SCD: variants seen among roughly 807,000 people sequenced by gnomAD.
SCD encodes stearoyl-CoA desaturase, also known as acyl-CoA desaturase.
In SCD, 4 loss-of-function variants were observed where a neutral mutation model predicts 35.7. The ratio of observed to expected loss-of-function variants is 0.11; its 90% CI spans 0.06 to 0.26. The LOEUF is 0.26. SCD is among the 10% of genes least tolerant of loss of function. The probability of loss-of-function intolerance (pLI) is 1.00; values close to 1 mark genes in which losing one functional copy is unlikely to be tolerated. For missense variants in SCD, 282 were observed against 460.7 expected (o/e 0.61, Z 3.55); for synonymous variants, 150 against 170.2 (o/e 0.88, Z 0.92).
chr10:100,360,643 A>T (rs1286133108), intron 5 of SCD, 91 bp from the exon 6 acceptor site: 6 of 1,046,848 alleles, frequency 5.7e-6, no homozygotes, highest in African/African-American at 1.6e-5. Flanking sequence ...AGTTTCTCCC[A>T]GGTGTGAGGT....
chr10:100,347,334 C>T lies in SCD; in HGVS notation c.-171C>T, dbSNP rs1589696768. ...TTGCCAGCTCTAGCCTTTAAATTCC[C>T]GGCTCGGGGACCTCCACGCACCGCG... On this transcript the variant is annotated 5_prime_UTR_variant, in exon 1 of 6. Coordinates refer to ENST00000370355, the MANE Select transcript of SCD (RefSeq NM_005063.5). 4.1e-6 allele frequency: 3 copies of T among 728,886 alleles called. No homozygotes were observed. The highest frequency in any genetic ancestry group is 3.1e-5 in the South Asian group (2 of 64,168). 45.2% of individuals were successfully genotyped at this position (728,886 alleles called of 1,614,324 possible).
At position 100,360,780 on chromosome 10, in the gene SCD, T is replaced by G. The variant is rs200235051; in HGVS notation, c.927T>G (p.Ser309=). The G allele has an allele frequency of 1.9e-6, 3 of 1,613,878 alleles. No individual in the cohort carries two copies. The highest frequency in any genetic ancestry group is 3.3e-4 in the Middle Eastern group (2 of 6,078). ...NYHHSFPYDY[S]ASEYRWHINF... ...ACCACTCCTTTCCCTATGACTACTC[T>G]GCCAGTGAGTACCGCTGGCACATCA... is the stretch of plus-strand genomic sequence containing the variant. Residue 309 remains serine, a synonymous_variant, in exon 6 of 6, where the codon TCT becomes TCG. Transcript: ENST00000370355.
chr10:100,350,651 G>A (rs1367234058), intron 2 of SCD, among the ~76,000 whole-genome samples: 1 of 152,202 alleles, frequency 6.6e-6, no homozygotes, highest in Non-Finnish European at 1.5e-5. Context: ...GCACCAGAGT[G>A]CCTGAGTTCT....
In SCD at chr10:100,347,330, T is replaced by G; in HGVS notation, c.-175T>G. 1 of 719,730 alleles carries G rather than the reference T, an allele frequency of 1.4e-6. No homozygotes were observed. The allele number at this position is 719,730 out of a possible 1,614,324, so 44.6% of individuals were successfully genotyped here. Reference sequence around the variant, plus strand: ...CCCGTTGCCAGCTCTAGCCTTTAAATTCCCGGCTCGGGGACCTCCACGCAC... The same window carrying G: ...CCCGTTGCCAGCTCTAGCCTTTAAAGTCCCGGCTCGGGGACCTCCACGCAC... On this transcript the variant is annotated 5_prime_UTR_variant, in exon 1 of 6. Transcript: ENST00000370355.
chr10:100,359,836 T>C (rs1429689639), intron 5 of SCD, among the ~76,000 whole-genome samples: 1 of 152,230 alleles, frequency 6.6e-6, no homozygotes, highest in Non-Finnish European at 1.5e-5. Flanking sequence ...CTGCCAAGCG[T>C]TGGCAAACTC....
intron 4 of SCD, among the ~76,000 whole-genome samples, 163 bp downstream of exon 4, chr10:100,354,795 C>T (rs373666776): frequency 7.9e-5 from 12 of 152,178 alleles, no homozygotes; most frequent in South Asian, 2.1e-4. Context: ...CCCACGGGCC[C>T]GTAGCCATAG....
At chr10:100,357,755 A>G (rs1403257442) in intron 5 of SCD, among the ~76,000 whole-genome samples, 1 of 151,872 alleles carries the variant, frequency 6.6e-6, no homozygotes, top group African/African-American at 2.4e-5. Context: ...TCAGCCTCCC[A>G]AAGTATCTAC....
In SCD at chr10:100,363,205, A is replaced by G. The variant is rs1235460266; in HGVS notation, c.*2272A>G. 6.6e-6 allele frequency: 1 copy of G among 152,290 alleles called. No individual in the cohort carries two copies. The highest frequency in any genetic ancestry group is 1.5e-5 in the Non-Finnish European group (1 of 68,084). The allele number at this position is 152,290 out of a possible 1,614,324, so 9.4% of individuals were successfully genotyped here. Reference sequence around the variant, plus strand: ...CATTCCCTACAGCCTAGGGCAGACAATAGTATAGAAGTCTGGAAAAAAACA... The same window carrying G: ...CATTCCCTACAGCCTAGGGCAGACAGTAGTATAGAAGTCTGGAAAAAAACA... On this transcript the variant is annotated 3_prime_UTR_variant, in exon 6 of 6. Transcript: ENST00000370355.
chr10:100,348,377 T>G, intron 2 of SCD, 31 bp downstream of exon 2: 1 of 1,600,454 alleles, frequency 6.2e-7, no homozygotes, highest in Non-Finnish European at 8.5e-7. Flanking sequence ...CCTGACCTAG[T>G]CCTCCAGGTA....
At chr10:100,354,383 G>A in intron 3 of SCD, 44 bp from the exon 4 acceptor site, 1 of 1,529,576 alleles carries the variant, frequency 6.5e-7, no homozygotes, top group Middle Eastern at 1.7e-4. Flanking sequence ...TCCTAATAGG[G>A]TGTCTATCCT....
At position 100,352,463 on chromosome 10, in the gene SCD, C is replaced by T; in HGVS notation, c.408C>T (p.Leu136=). ...ACAAAGCTCGGCTGCCCCTACGGCT[C>T]TTTCTGATCATTGCCAACACAATGG... ...RSYKARLPLR[L]FLIIANTMAF... is the part of the protein sequence containing the mutation. Residue 136 remains leucine, a synonymous_variant, in exon 3 of 6, where the codon CTC becomes CTT. Coordinates refer to ENST00000370355, the MANE Select transcript of SCD (RefSeq NM_005063.5). The surrounding 1 kb of genome is among the most constrained non-coding windows in gnomAD (Gnocchi z 4.2). 2.5e-6 allele frequency: 4 copies of T among 1,614,098 alleles called. No homozygotes were observed. The highest frequency in any genetic ancestry group is 3.4e-6 in the Non-Finnish European group (4 of 1,180,024).
In SCD at chr10:100,361,309, T is replaced by A. The variant is rs1849987836; in HGVS notation, c.*376T>A. ...ACGAATGGTCTTTGCTCCAGATAAC[T>A]CTCTTTCCTTGAGCTGTTGTGAGCT... On this transcript the variant is annotated 3_prime_UTR_variant, in exon 6 of 6. Coordinates refer to ENST00000370355, the MANE Select transcript of SCD (RefSeq NM_005063.5). The A allele has an allele frequency of 4.5e-6, 1 of 220,428 alleles. No homozygotes were observed. Among genetic ancestry groups the A allele is most frequent in the African/African-American group, 2.3e-5 (1 of 43,114 alleles). The allele number at this position is 220,428 out of a possible 1,614,324, so 13.7% of individuals were successfully genotyped here.
intron 2 of SCD, among the ~76,000 whole-genome samples, chr10:100,351,698 TG>T (rs770712723): frequency 3.4e-4 from 51 of 152,112 alleles, no homozygotes; most frequent in Middle Eastern, 3.2e-3. Flanking sequence ...TTGAGTGCAG[TG>T]GCGCGATCTT....
At chr10:100,360,244 C>T (rs903451231) in intron 5 of SCD, among the ~76,000 whole-genome samples, 1 of 152,248 alleles carries the variant, frequency 6.6e-6, no homozygotes, top group Non-Finnish European at 1.5e-5. Context: ...TCTGCAAGGA[C>T]GTGCACATGC....
Position 100,356,503 on chromosome 10 carries a change from T to C in SCD, c.648-29T>C, listed in dbSNP as rs1849929696. ...CATGTAGGTGTGGAGTCCCCCTCCA[T>C]TGACCTGGTGTCTGGTCTGTCAATG... On this transcript the variant is annotated intron_variant, in intron 4 of 5. Coordinates refer to ENST00000370355, the MANE Select transcript of SCD (RefSeq NM_005063.5). This position sits in a 1 kb window ranked among gnomAD's most constrained non-coding sequence, Gnocchi z 4.1. The C allele has an allele frequency of 1.9e-6, 3 of 1,562,964 alleles. No homozygotes were observed. Among genetic ancestry groups the C allele is most frequent in the African/African-American group, 1.4e-5 (1 of 73,946 alleles).
intron 3 of SCD, among the ~76,000 whole-genome samples, chr10:100,353,070 T>TA (rs1269319466): frequency 3.3e-5 from 5 of 152,182 alleles, no homozygotes; most frequent in African/African-American, 1.2e-4. Context: ...ACTCTTATTT[T>TA]GAGATAATGA....
At chr10:100,354,352 G>C in intron 3 of SCD, 75 bp from the exon 4 acceptor site, 1 of 1,349,942 alleles carries the variant, frequency 7.4e-7, no homozygotes, top group Non-Finnish European at 1.1e-6. Context: ...TTGGGCTCTT[G>C]ATACCTGTCC....
chr10:100,351,712 C>A (rs1421087784), intron 2 of SCD, among the ~76,000 whole-genome samples: 2 of 152,090 alleles, frequency 1.3e-5, no homozygotes, highest in African/African-American at 2.4e-5. Flanking sequence ...GCGATCTTGG[C>A]TCACCGCAGC....
chr10:100,356,384 A>G lies in SCD; in HGVS notation c.648-148A>G, dbSNP rs527902986. On this transcript the variant is annotated intron_variant, in intron 4 of 5. Coordinates refer to ENST00000370355, the MANE Select transcript of SCD (RefSeq NM_005063.5). This position sits in a 1 kb window ranked among gnomAD's most constrained non-coding sequence, Gnocchi z 4.1. ...GAGTGAGACCCTGTCAAAAAAAACA[A>G]ACAAAAATAAATAAAACAATGAACT... 37 of 689,302 alleles carry G rather than the reference A, an allele frequency of 5.4e-5. No homozygotes were observed. In the Middle Eastern group the frequency reaches 7.4e-4, roughly 14 times the overall value. The allele number at this position is 689,302 out of a possible 1,614,324, so 42.7% of individuals were successfully genotyped here. A position where few individuals can be genotyped will look rare whatever the true frequency, so the allele number is the denominator to read the frequency against.
Sources: gnomAD v4.1 joint callset for allele counts (sites outside exome capture counted in the v4.1 genomes callset) on GRCh38, gnomAD v4.1.1 for gene constraint, Gnocchi (gnomAD v3.1) non-coding constraint, MANE v1.5 for transcripts, NCBI Gene and HGNC (gene_info 2026-07-23, HGNC 2026-07-21) for gene names.